Variants in RAB7A observed in about 807,000 individuals in gnomAD.
The protein encoded by RAB7A is ras-related protein Rab-7a.
Under a neutral mutation model 24.5 loss-of-function variants are expected in RAB7A, and 2 were observed. The observed-to-expected ratio is 0.08, with a 90% confidence interval of 0.03 to 0.26. RAB7A has a LOEUF of 0.26. Ranked by LOEUF, RAB7A falls within the 10% of genes least tolerant of loss-of-function variation. The pLI is 1.00. For missense variants in RAB7A, 118 were observed against 255.7 expected, an observed-to-expected ratio of 0.46 and a Z score of 3.67; for synonymous variants, 100 against 95.9, an observed-to-expected ratio of 1.04 and a Z score of -0.25.
intron 1 of RAB7A, among the ~76,000 whole-genome samples, chr3:128,774,536 A>ACTGTAACCTCTGCCTC (rs1453589741): frequency 6.6e-6 from 1 of 151,440 alleles, no homozygotes; most frequent in Non-Finnish European, 1.5e-5. Flanking sequence ...ATCTCGGCTC[A>ACTGTAACCTCTGCCTC]CTGTAACCTC....
chr3:128,735,914 A>C (rs957877290), intron 1 of RAB7A, among the ~76,000 whole-genome samples: 9 of 152,232 alleles, frequency 5.9e-5, no homozygotes, highest in African/African-American at 2.2e-4. Context: ...TTGGCTTAGT[A>C]CCTGGGTTCA....
At chr3:128,780,299 T>G (rs1933190550) in intron 1 of RAB7A, among the ~76,000 whole-genome samples, 1 of 152,228 alleles carries the variant, frequency 6.6e-6, no homozygotes, top group African/African-American at 2.4e-5. Context: ...TACAGTCTGA[T>G]TAATGCTTTG....
chr3:128,757,749 C>T (rs970677099), intron 1 of RAB7A, among the ~76,000 whole-genome samples: 4 of 152,084 alleles, frequency 2.6e-5, no homozygotes, highest in East Asian at 1.9e-4. Flanking sequence ...AACTCCTGAC[C>T]TCAAGTGATC....
At chr3:128,730,302 T>C (rs2070422426) in intron 1 of RAB7A, among the ~76,000 whole-genome samples, 2 of 151,894 alleles carry the variant, frequency 1.3e-5, no homozygotes, top group Non-Finnish European at 1.5e-5. Context: ...CCATCTCAGC[T>C]CACTGCAAGC....
At chr3:128,738,199 A>G (rs2070511704) in intron 1 of RAB7A, among the ~76,000 whole-genome samples, 1 of 151,684 alleles carries the variant, frequency 6.6e-6, no homozygotes. Context: ...CGCCCAGTTA[A>G]TTTTGTTTTT....
intron 1 of RAB7A, among the ~76,000 whole-genome samples, chr3:128,761,581 A>G (rs2070776268): frequency 6.6e-6 from 1 of 152,180 alleles, no homozygotes; most frequent in Non-Finnish European, 1.5e-5. Flanking sequence ...AACAGGCCTT[A>G]TGTACCAAGG....
intron 1 of RAB7A, among the ~76,000 whole-genome samples, chr3:128,785,661 G>C (rs543562147): frequency 2.1e-4 from 31 of 150,054 alleles, no homozygotes; most frequent in African/African-American, 7.1e-4. Flanking sequence ...CTGAGACAGA[G>C]TTGCCTGAAC....
intron 1 of RAB7A, among the ~76,000 whole-genome samples, chr3:128,743,251 T>G (rs1244550886): frequency 6.6e-6 from 1 of 152,072 alleles, no homozygotes; most frequent in African/African-American, 2.4e-5. Flanking sequence ...CACCCGGAAC[T>G]CCCGCTGGTC....
intron 3 of RAB7A, among the ~76,000 whole-genome samples, chr3:128,799,537 G>C (rs553784866): frequency 6.6e-6 from 1 of 152,132 alleles, no homozygotes; most frequent in African/African-American, 2.4e-5. Flanking sequence ...ATTTGTGCAC[G>C]TGTTGACCTC....
intron 1 of RAB7A, among the ~76,000 whole-genome samples, chr3:128,735,821 A>T (rs2070485573): frequency 6.6e-6 from 1 of 152,182 alleles, no homozygotes; most frequent in African/African-American, 2.4e-5. Context: ...TAACTGTTTT[A>T]CTAGCTATCT....
chr3:128,797,420 T>A (rs1283697218), intron 2 of RAB7A, among the ~76,000 whole-genome samples: 1 of 152,224 alleles, frequency 6.6e-6, no homozygotes, highest in African/African-American at 2.4e-5. Flanking sequence ...TGGATTTGTT[T>A]TGGTGATATA....
At chr3:128,749,845 C>G (rs1318032610) in intron 1 of RAB7A, among the ~76,000 whole-genome samples, 2 of 152,180 alleles carry the variant, frequency 1.3e-5, no homozygotes, top group African/African-American at 2.4e-5. Flanking sequence ...GTAAATTGCC[C>G]AGTCATGGGT....
chr3:128,751,621 G>A (rs1298526199), intron 1 of RAB7A, among the ~76,000 whole-genome samples: 1 of 152,210 alleles, frequency 6.6e-6, no homozygotes, highest in Non-Finnish European at 1.5e-5. Context: ...CTTATAAGCA[G>A]AAGGGACTTG....
At chr3:128,788,334 G>A (rs1340658089) in intron 1 of RAB7A, among the ~76,000 whole-genome samples, 13 of 152,166 alleles carry the variant, frequency 8.5e-5, no homozygotes, top group Admixed American at 8.5e-4. Context: ...GCTAAAATTT[G>A]TGAGAACATA....
At chr3:128,776,233 G>T (rs1933083843) in intron 1 of RAB7A, among the ~76,000 whole-genome samples, 1 of 152,070 alleles carries the variant, frequency 6.6e-6, no homozygotes, top group Admixed American at 6.5e-5. Context: ...TGTTTTAAAA[G>T]GCTGACTAGT....
chr3:128,751,194 C>G (rs894349959), intron 1 of RAB7A, among the ~76,000 whole-genome samples: 5 of 152,222 alleles, frequency 3.3e-5, no homozygotes, highest in Non-Finnish European at 7.3e-5. Flanking sequence ...ACACAGAGCT[C>G]TCCACAGGGA....
At chr3:128,748,249 T>A in intron 1 of RAB7A, among the ~76,000 whole-genome samples, 1 of 152,212 alleles carries the variant, frequency 6.6e-6, no homozygotes, top group South Asian at 2.1e-4. Context: ...CTGCTGCTGG[T>A]ACATTGAGTG....
chr3:128,768,926 C>G (rs2070857982), intron 1 of RAB7A, among the ~76,000 whole-genome samples: 4 of 133,710 alleles, frequency 3.0e-5, no homozygotes, highest in Admixed American at 1.5e-4. Flanking sequence ...AGAACCGTTT[C>G]TTTTCTCTTT....
chr3:128,795,157 T>C (rs1933539398), intron 1 of RAB7A: 2 of 619,660 alleles, frequency 3.2e-6, no homozygotes, highest in Non-Finnish European at 3.0e-6. Flanking sequence ...ATGGCCCTGC[T>C]GTGCTGTTCT....
Sources: gnomAD v4.1 joint callset for allele counts (sites outside exome capture counted in the v4.1 genomes callset) on GRCh38, gnomAD v4.1.1 for gene constraint, MANE v1.5 for transcripts, NCBI Gene and HGNC (gene_info 2026-07-23, HGNC 2026-07-21) for gene names.